Variants in MRPS9 observed in about 807,000 individuals in gnomAD.
The protein encoded by MRPS9 is small ribosomal subunit protein uS9m.
In MRPS9, 45 loss-of-function variants were observed where a neutral mutation model predicts 59.9. The observed-to-expected ratio is 0.75, with a 90% confidence interval of 0.59 to 0.96. The LOEUF (loss-of-function observed/expected upper bound fraction) is 0.96. Ranked by LOEUF, MRPS9 falls within the 40% of genes least tolerant of loss-of-function variation. The pLI is 0.00. For synonymous variants in MRPS9, 171 were observed against 166.8 expected, an observed-to-expected ratio of 1.03 and a Z score of -0.19; for missense variants, 473 against 481.1, an observed-to-expected ratio of 0.98 and a Z score of 0.16.
intron 8 of MRPS9, among the ~76,000 whole-genome samples, chr2:105,092,889 T>A (rs1478508302): frequency 1.3e-5 from 2 of 152,188 alleles, no homozygotes; most frequent in Admixed American, 6.6e-5. Context: ...TAAAGTTTTC[T>A]TTGCAAAAAA....
intron 2 of MRPS9, among the ~76,000 whole-genome samples, chr2:105,065,041 A>T (rs537672050): frequency 1.3e-5 from 2 of 152,322 alleles, no homozygotes; most frequent in African/African-American, 4.8e-5. Flanking sequence ...CTATGTATAC[A>T]TCTGTCTCCA....
intron 7 of MRPS9, 137 bp from the exon 8 acceptor site, chr2:105,092,264 G>T: frequency 3.2e-6 from 2 of 627,818 alleles, no homozygotes; most frequent in Non-Finnish European, 5.1e-6. Flanking sequence ...TAAAAGCAGC[G>T]TGAAGATGCA....
At chr2:105,043,563 T>C (rs1430565739) in intron 1 of MRPS9, among the ~76,000 whole-genome samples, 1 of 152,214 alleles carries the variant, frequency 6.6e-6, no homozygotes, top group East Asian at 1.9e-4. Context: ...TTTTAGCTGA[T>C]AGAGATCCCT....
intron 4 of MRPS9, 30 bp downstream of exon 4, chr2:105,071,519 T>C (rs1558757414): frequency 6.3e-7 from 1 of 1,595,754 alleles, no homozygotes; most frequent in Admixed American, 1.7e-5. Context: ...AGAGAAACAG[T>C]TTTTTCTTTA....
At chr2:105,093,703 T>C in intron 9 of MRPS9, 65 bp downstream of exon 9, 1 of 721,022 alleles carries the variant, frequency 1.4e-6, no homozygotes, top group Non-Finnish European at 2.3e-6. Flanking sequence ...TCATGATCAT[T>C]TAAGAAGGCT....
chr2:105,075,366 C>T (rs1048614934), intron 4 of MRPS9, among the ~76,000 whole-genome samples: 5 of 152,098 alleles, frequency 3.3e-5, no homozygotes, highest in Non-Finnish European at 7.3e-5. Context: ...GAACCTGGTA[C>T]CTGTCTGTGG....
chr2:105,065,751 T>C (rs2104451128), intron 2 of MRPS9, among the ~76,000 whole-genome samples: 1 of 152,360 alleles, frequency 6.6e-6, no homozygotes, highest in South Asian at 2.1e-4. Context: ...GCCCAAAACA[T>C]ATCTGTAGGC....
intron 2 of MRPS9, among the ~76,000 whole-genome samples, chr2:105,067,974 T>C (rs532844105): frequency 1.3e-5 from 2 of 152,296 alleles, no homozygotes; most frequent in African/African-American, 4.8e-5. Context: ...ACTACAGTCA[T>C]GTGCCACCAC....
Position 105,049,327 on chromosome 2 carries a change from AC to A in MRPS9, c.293del (p.Thr98IlefsTer27). The A allele has an allele frequency of 6.2e-7, 1 of 1,611,316 alleles. No individual in the cohort carries two copies. Among genetic ancestry groups the A allele is most frequent in the Non-Finnish European group, 8.5e-7 (1 of 1,179,344 alleles). ...LANMMGEDPE[T>X]FTQEDIDRAI... The stretch of plus-strand genomic sequence containing the variant: ...CAACATGATGGGAGAAGATCCAGAA[AC>A]TTTCACTCAAGAAGATATTGACGTA... On this transcript the variant is annotated frameshift_variant, in exon 2 of 11. Coordinates refer to ENST00000258455, the MANE Select transcript of MRPS9 (RefSeq NM_182640.3). LOFTEE classifies it high-confidence loss of function.
chr2:105,040,289 CACTT>C (rs1435449063), intron 1 of MRPS9, among the ~76,000 whole-genome samples: 7 of 152,230 alleles, frequency 4.6e-5, no homozygotes, highest in African/African-American at 1.7e-4. Flanking sequence ...AAATTTTAAT[CACTT>C]AATGAGTGAC....
intron 7 of MRPS9, among the ~76,000 whole-genome samples, chr2:105,090,512 C>T (rs771637538): frequency 2.6e-5 from 4 of 152,200 alleles, no homozygotes; most frequent in Non-Finnish European, 5.9e-5. Context: ...TTACAAACTA[C>T]AGTGTCCTAA....
In MRPS9 at chr2:105,050,435, C is replaced by T. The variant is rs139588062; in HGVS notation, c.315+1085C>T. Among the ~76,000 whole-genome samples the T allele has an allele frequency of 5.7e-3, 864 of 152,224 alleles. 11 individuals carry two copies. The highest frequency in any genetic ancestry group is 0.019 in the African/African-American group (798 of 41,538). The stretch of plus-strand genomic sequence containing the variant: ...GATTACAGGCGTTAGCCACCCGGCC[C>T]GGTCCAGAAGGATTTCTTATTGCTC... On this transcript the variant is annotated intron_variant, in intron 2 of 10. Transcript: ENST00000258455.
At chr2:105,038,257 A>G in intron 1 of MRPS9, 30 bp downstream of exon 1, 1 of 1,599,142 alleles carries the variant, frequency 6.3e-7, no homozygotes, top group African/African-American at 1.3e-5. Flanking sequence ...GAAGCGGCTT[A>G]CCTCTGCCGC....
intron 4 of MRPS9, among the ~76,000 whole-genome samples, chr2:105,075,658 A>T (rs1227462490): frequency 6.6e-6 from 1 of 152,242 alleles, no homozygotes; most frequent in Non-Finnish European, 1.5e-5. Flanking sequence ...AACACTAGCA[A>T]ACCAAGTAAA....
intron 8 of MRPS9, 50 bp from the exon 9 acceptor site, chr2:105,093,478 CAA>C (rs1211185089): frequency 9.2e-7 from 1 of 1,083,564 alleles, no homozygotes; most frequent in Non-Finnish European, 1.4e-6. Context: ...TTACCTGTCT[CAA>C]AGCGCAGGTC....
At chr2:105,086,611 T>C (rs953130159) in intron 5 of MRPS9, among the ~76,000 whole-genome samples, 1 of 152,240 alleles carries the variant, frequency 6.6e-6, no homozygotes, top group Non-Finnish European at 1.5e-5. Flanking sequence ...AGTAAATTAC[T>C]CAGCAATTTA....
intron 2 of MRPS9, among the ~76,000 whole-genome samples, chr2:105,053,706 A>G (rs1039478253): frequency 6.6e-6 from 1 of 152,162 alleles, no homozygotes; most frequent in Non-Finnish European, 1.5e-5. Context: ...ATATAGAATT[A>G]TTTTCCAGAG....
At chr2:105,069,364 G>A (rs1449122642) in intron 2 of MRPS9, among the ~76,000 whole-genome samples, 2 of 151,866 alleles carry the variant, frequency 1.3e-5, no homozygotes, top group East Asian at 1.9e-4. Flanking sequence ...ACAGGCGCCC[G>A]CCACCATGCC....
At chr2:105,068,710 C>T (rs914409801) in intron 2 of MRPS9, among the ~76,000 whole-genome samples, 7 of 152,094 alleles carry the variant, frequency 4.6e-5, no homozygotes, top group Admixed American at 2.0e-4. Context: ...TGTATTTATA[C>T]GTCTTTTCTT....
Sources: gnomAD v4.1 joint callset for allele counts (sites outside exome capture counted in the v4.1 genomes callset) on GRCh38, gnomAD v4.1.1 for gene constraint, MANE v1.5 for transcripts, NCBI Gene and HGNC (gene_info 2026-07-23, HGNC 2026-07-21) for gene names.